Variants in TNN observed in about 807,000 individuals in gnomAD.
TNN encodes the protein tenascin N.
In TNN, 122 loss-of-function variants were observed where a neutral mutation model predicts 134.4. That is an observed-to-expected ratio of 0.91 (90% CI 0.78 to 1.06). TNN has a LOEUF of 1.06. Among genes scored for constraint, TNN ranks in the 50% least tolerant of loss-of-function variants. The probability of loss-of-function intolerance (pLI) is 0.00; values close to 1 mark genes in which losing one functional copy is unlikely to be tolerated. For synonymous variants in TNN, 710 were observed against 670.3 expected (o/e 1.06, Z -0.91); for missense variants, 1,739 against 1,699.4 (o/e 1.02, Z -0.41).
At chr1:175,086,902 T>C (rs1037126051) in intron 6 of TNN, among the ~76,000 whole-genome samples, 1 of 152,236 alleles carries the variant, frequency 6.6e-6, no homozygotes, top group Non-Finnish European at 1.5e-5. Flanking sequence ...GTGCCAGGCA[T>C]TATAATCACT....
chr1:175,145,230 T>A (rs575106748), intron 18 of TNN, among the ~76,000 whole-genome samples: 1 of 152,112 alleles, frequency 6.6e-6, no homozygotes, highest in Non-Finnish European at 1.5e-5. Context: ...CACTGCCTAC[T>A]TTCTAGTTGT....
chr1:175,143,389 A>C (rs1675984129), intron 17 of TNN, among the ~76,000 whole-genome samples: 1 of 152,206 alleles, frequency 6.6e-6, no homozygotes, highest in African/African-American at 2.4e-5. Flanking sequence ...AGGATGAAAA[A>C]TATGATAGGG....
chr1:175,102,186 G>C lies in TNN; in HGVS notation c.2119+3591G>C, dbSNP rs1403990877. 1.4e-5 allele frequency among the ~76,000 whole-genome samples: 2 copies of C among 145,970 alleles called. 1 individual carries two copies. Among genetic ancestry groups the C allele is most frequent in the Non-Finnish European group, 3.0e-5 (2 of 65,772 alleles). On this transcript the variant is annotated intron_variant, in intron 9 of 18. Coordinates refer to ENST00000239462, the MANE Select transcript of TNN (RefSeq NM_022093.2). ...TGGTGTGTTTACAATCCCTGAGCTA[G>C]ATATAAAGACTCTCCACGTCCCCAC...
chr1:175,074,885 T>C (rs2149425371), intron 1 of TNN, among the ~76,000 whole-genome samples: 1 of 152,376 alleles, frequency 6.6e-6, no homozygotes, highest in South Asian at 2.1e-4. Context: ...AAGCATAGGC[T>C]TGCAATCAGA....
At chr1:175,115,418 C>G (rs1317719771) in intron 9 of TNN, among the ~76,000 whole-genome samples, 2 of 152,100 alleles carry the variant, frequency 1.3e-5, no homozygotes, top group Non-Finnish European at 2.9e-5. Context: ...GCTGTTTTAC[C>G]AAAGTAATGA....
intron 9 of TNN, among the ~76,000 whole-genome samples, chr1:175,114,369 G>C (rs918178176): frequency 6.6e-6 from 1 of 152,250 alleles, no homozygotes; most frequent in African/African-American, 2.4e-5. Flanking sequence ...GTTTGTGGTA[G>C]TGGTGGTGGC....
intron 9 of TNN, among the ~76,000 whole-genome samples, chr1:175,102,273 T>A (rs1674743038): frequency 6.8e-6 from 1 of 146,302 alleles, no homozygotes; most frequent in South Asian, 2.3e-4. Context: ...CAGGTGGAGC[T>A]GTCTGCCAGT....
intron 9 of TNN, among the ~76,000 whole-genome samples, chr1:175,113,204 G>A (rs540097851): frequency 5.9e-5 from 9 of 152,178 alleles, no homozygotes; most frequent in South Asian, 4.2e-4. Context: ...GCTTCCAAAC[G>A]TAGGACTCCC....
At chr1:175,125,490 TAGA>T (rs1279013761) in intron 12 of TNN, among the ~76,000 whole-genome samples, 1 of 152,142 alleles carries the variant, frequency 6.6e-6, no homozygotes, top group African/African-American at 2.4e-5. Context: ...AGGAAGTACA[TAGA>T]AGAAGAGCTC....
rs1420751413 is a variant in TNN, at chr1:175,122,217, AC to A, written c.2651-1182del. ...ACCAGCCTGGTGAAATCCTGTCTTT[AC>A]AAAAAAAAAAAATACAAAAATTGGC... On this transcript the variant is annotated intron_variant, in intron 11 of 18. Coordinates refer to ENST00000239462, the MANE Select transcript of TNN (RefSeq NM_022093.2). Among the ~76,000 whole-genome samples the A allele has an allele frequency of 4.9e-3, 439 of 89,176 alleles. 2 individuals are homozygous for A. Among genetic ancestry groups the A allele is most frequent in the African/African-American group, 0.019 (413 of 21,640 alleles). 58.5% of individuals were successfully genotyped at this position (89,176 alleles called of 152,430 possible). A position where few individuals can be genotyped will look rare whatever the true frequency, so the allele number is the denominator to read the frequency against.
intron 17 of TNN, among the ~76,000 whole-genome samples, chr1:175,141,576 A>G (rs898945144): frequency 6.6e-6 from 1 of 152,234 alleles, no homozygotes; most frequent in Non-Finnish European, 1.5e-5. Context: ...TAATCCTGAA[A>G]TAAAAGACAT....
intron 12 of TNN, 104 bp downstream of exon 12, chr1:175,123,767 C>A: frequency 6.6e-7 from 1 of 1,525,754 alleles, no homozygotes; most frequent in South Asian, 1.2e-5. Flanking sequence ...TTGCTTTACC[C>A]GAGGACATTC....
chr1:175,127,148 G>A (rs1295922620), intron 13 of TNN, 63 bp downstream of exon 13: 1 of 1,572,358 alleles, frequency 6.4e-7, no homozygotes, highest in East Asian at 2.3e-5. Flanking sequence ...ACTAACTTGG[G>A]CCAATCAGCT....
At chr1:175,095,905 GA>G (rs1674559198) in intron 7 of TNN, among the ~76,000 whole-genome samples, 1 of 152,240 alleles carries the variant, frequency 6.6e-6, no homozygotes, top group African/African-American at 2.4e-5. Context: ...TTGGAATAGA[GA>G]AGAACCTTCC....
chr1:175,098,951 TA>T (rs1036765302), intron 9 of TNN, among the ~76,000 whole-genome samples: 4 of 152,064 alleles, frequency 2.6e-5, no homozygotes, highest in African/African-American at 7.2e-5. Context: ...ATCAATCCCT[TA>T]AAAAAAATTC....
At chr1:175,115,866 C>A (rs1000589343) in intron 9 of TNN, among the ~76,000 whole-genome samples, 1 of 152,094 alleles carries the variant, frequency 6.6e-6, no homozygotes, top group African/African-American at 2.4e-5. Context: ...CTACTGGGAT[C>A]TTCTTGCTTA....
At chr1:175,126,087 T>G (rs2101842827) in intron 12 of TNN, among the ~76,000 whole-genome samples, 1 of 133,598 alleles carries the variant, frequency 7.5e-6, no homozygotes, top group East Asian at 2.2e-4. Context: ...GTAAGAAACA[T>G]AACTTTTTGT....
At chr1:175,082,836 TAGA>T (rs529040596) in intron 4 of TNN, among the ~76,000 whole-genome samples, 6 of 152,242 alleles carry the variant, frequency 3.9e-5, no homozygotes, top group African/African-American at 1.2e-4. Flanking sequence ...GTCAAAAACT[TAGA>T]AGGCCAGGCT....
At chr1:175,133,827 C>T (rs1416114057) in intron 15 of TNN, among the ~76,000 whole-genome samples, 1 of 152,186 alleles carries the variant, frequency 6.6e-6, no homozygotes, top group African/African-American at 2.4e-5. Context: ...GCAGGTTTGG[C>T]AGCCAGATAT....
Sources: allele counts gnomAD v4.1 joint callset (sites outside exome capture counted in the v4.1 genomes callset), GRCh38; gene constraint gnomAD v4.1.1; transcripts MANE v1.5; gene names NCBI Gene and HGNC (gene_info 2026-07-23, HGNC 2026-07-21).